BCAR3: variants seen among roughly 807,000 people sequenced by gnomAD.
BCAR3 encodes breast cancer anti-estrogen resistance protein 3.
BCAR3 carries 37 observed loss-of-function variants against 80.1 expected under a neutral mutation model. The observed-to-expected ratio is 0.46, with a 90% CI of 0.36 to 0.61. BCAR3 has a LOEUF of 0.61. Ranked by LOEUF, BCAR3 falls within the 20% of genes least tolerant of loss-of-function variation. BCAR3 has a pLI of 0.00. For missense variants in BCAR3, 978 were observed against 1,068.2 expected, an observed-to-expected ratio of 0.92 and a Z score of 1.18; for synonymous variants, 389 against 418.9, an observed-to-expected ratio of 0.93 and a Z score of 0.87.
At chr1:93,720,822 G>A (rs897914648) in intron 2 of BCAR3, among the ~76,000 whole-genome samples, 1 of 152,196 alleles carries the variant, frequency 6.6e-6, no homozygotes, top group Non-Finnish European at 1.5e-5. Flanking sequence ...GGCCTTCCTT[G>A]TGTCTTTTTC....
chr1:93,588,308 C>A (rs1674026632), intron 5 of BCAR3, among the ~76,000 whole-genome samples: 1 of 152,108 alleles, frequency 6.6e-6, no homozygotes, highest in African/African-American at 2.4e-5. Context: ...GAAGAAGAGT[C>A]CTGGGAGGCC....
chr1:93,726,012 G>A (rs918289699), intron 2 of BCAR3, among the ~76,000 whole-genome samples: 7 of 151,838 alleles, frequency 4.6e-5, no homozygotes, highest in African/African-American at 1.7e-4. Context: ...AATAATATCT[G>A]GTAGAGAAAT....
At position 93,681,667 on chromosome 1, in the gene BCAR3, G is replaced by A. The variant is rs1402474852; in HGVS notation, c.-81C>T. ...CCTCCGGCTGGGGCTCAAAGGCGCC[G>A]CGCGGCCGGCCTCGCACCGCCCGCG... On this transcript the variant is annotated 5_prime_UTR_variant, in exon 1 of 12. Transcript: ENST00000260502. 6.6e-6 allele frequency: 1 copy of A among 151,678 alleles called. No individual in the cohort carries two copies. The highest frequency in any genetic ancestry group is 2.0e-4 in the East Asian group (1 of 5,116). The allele number at this position is 151,678 out of a possible 1,614,324, so 9.4% of individuals were successfully genotyped here. A position where few individuals can be genotyped will look rare whatever the true frequency, so the allele number is the denominator to read the frequency against.
intron 2 of BCAR3, among the ~76,000 whole-genome samples, chr1:93,652,637 T>C (rs1290809176): frequency 7.1e-6 from 1 of 140,444 alleles, no homozygotes; most frequent in Non-Finnish European, 1.5e-5. Context: ...AATGAAAAGG[T>C]TTTTTTTTTT....
At chr1:93,578,670 C>T (rs541965098) in intron 7 of BCAR3, among the ~76,000 whole-genome samples, 5 of 152,322 alleles carry the variant, frequency 3.3e-5, no homozygotes, top group South Asian at 4.1e-4. Context: ...GTGCCTTCCC[C>T]TGCAGGGCGT....
chr1:93,562,089 CTG>C lies in BCAR3; in HGVS notation c.*150_*151del. ...TAGACAATTCATAAATAAGTGTGCTCTGTGCAATTTACACGTTTAATATCCTG... is the reference window on the plus strand; with the variant it reads ...TAGACAATTCATAAATAAGTGTGCTCTGCAATTTACACGTTTAATATCCTG... On this transcript the variant is annotated 3_prime_UTR_variant, in exon 12 of 12. Coordinates refer to ENST00000260502, the MANE Select transcript of BCAR3 (RefSeq NM_003567.4). 1 of 667,244 alleles carries C rather than the reference CTG, an allele frequency of 1.5e-6. No homozygotes were observed. The allele number at this position is 667,244 out of a possible 1,614,324, so 41.3% of individuals were successfully genotyped here.
chr1:93,813,278 T>C (rs978302591), intron 2 of BCAR3, among the ~76,000 whole-genome samples: 2 of 152,132 alleles, frequency 1.3e-5, no homozygotes, highest in African/African-American at 2.4e-5. Flanking sequence ...GTAAGCTTTG[T>C]GTGCAGTCAC....
intron 2 of BCAR3, among the ~76,000 whole-genome samples, chr1:93,731,208 T>C (rs1449650189): frequency 6.6e-6 from 1 of 152,168 alleles, no homozygotes; most frequent in Non-Finnish European, 1.5e-5. Context: ...GTATCCTGGA[T>C]GGGATTCTGG....
intron 2 of BCAR3, chr1:93,845,462 T>TTTTATATATA (rs1557708361): frequency 3.7e-5 from 3 of 80,146 alleles, no homozygotes; most frequent in African/African-American, 1.2e-4. Flanking sequence ...CATAACAATT[T>TTTTATATATA]TATATATATA....
In BCAR3 at chr1:93,752,494, AT is replaced by A. The variant is rs1284567066; in HGVS notation, c.-62-46353del. Reference sequence around the variant, plus strand: ...TCTTGACTTTCAGTTGTGCCATCACATGTCAATCGGTTGTGAAGTAATTTGT... The same window carrying A: ...TCTTGACTTTCAGTTGTGCCATCACAGTCAATCGGTTGTGAAGTAATTTGT... On this transcript the variant is annotated intron_variant, in intron 2 of 13. Transcript: ENST00000370244. Among the ~76,000 whole-genome samples, 5 of 152,366 alleles carry A rather than the reference AT, an allele frequency of 3.3e-5. No homozygotes were observed. The East Asian group carries it at 9.6e-4, about 29-fold the overall frequency.
At chr1:93,785,679 T>C (rs979188826) in intron 2 of BCAR3, among the ~76,000 whole-genome samples, 2 of 152,186 alleles carry the variant, frequency 1.3e-5, no homozygotes, top group Admixed American at 6.5e-5. Context: ...CCCACAGATA[T>C]AATACAAAAT....
chr1:93,726,250 T>TGA (rs1557667462), intron 2 of BCAR3, among the ~76,000 whole-genome samples: 1 of 152,026 alleles, frequency 6.6e-6, no homozygotes, highest in African/African-American at 2.4e-5. Context: ...TATTTTTTTT[T>TGA]GAGAGAGAGA....
At chr1:93,664,011 CTA>C (rs1038831689) in intron 2 of BCAR3, among the ~76,000 whole-genome samples, 9 of 152,170 alleles carry the variant, frequency 5.9e-5, no homozygotes, top group Non-Finnish European at 7.3e-5. Context: ...TTCTTACAGT[CTA>C]GGGTAGACTA....
intron 2 of BCAR3, among the ~76,000 whole-genome samples, chr1:93,779,236 T>C (rs1652680513): frequency 6.6e-6 from 1 of 152,200 alleles, no homozygotes; most frequent in South Asian, 2.1e-4. Flanking sequence ...AACTTCTAAT[T>C]GAAAGATGCC....
chr1:93,646,833 C>A (rs1676160651), intron 2 of BCAR3, among the ~76,000 whole-genome samples: 1 of 151,860 alleles, frequency 6.6e-6, no homozygotes, highest in Admixed American at 6.6e-5. Context: ...TAAGTAAATA[C>A]CTGAAATTCA....
At chr1:93,607,737 C>G (rs1570963791) in intron 3 of BCAR3, among the ~76,000 whole-genome samples, 2 of 152,204 alleles carry the variant, frequency 1.3e-5, no homozygotes, top group Non-Finnish European at 2.9e-5. Flanking sequence ...CCTTTTGTCC[C>G]TATGGCTCCT....
chr1:93,723,253 T>C (rs1178162736), intron 2 of BCAR3: 3 of 152,262 alleles, frequency 2.0e-5, no homozygotes, highest in South Asian at 2.1e-4. Context: ...CACACTCCAG[T>C]GTCCTCTGGC....
chr1:93,726,754 GA>G (rs898643142), intron 2 of BCAR3, among the ~76,000 whole-genome samples: 3 of 152,132 alleles, frequency 2.0e-5, no homozygotes, highest in African/African-American at 7.2e-5. Context: ...TAGATTCTAT[GA>G]AATACACTAC....
intron 3 of BCAR3, among the ~76,000 whole-genome samples, chr1:93,700,201 T>G (rs2101971775): frequency 6.6e-6 from 1 of 152,310 alleles, no homozygotes; most frequent in East Asian, 1.9e-4. Flanking sequence ...AAATTCTTTT[T>G]TTTTCTTTTG....
Sources: allele counts gnomAD v4.1 joint callset (sites outside exome capture counted in the v4.1 genomes callset), GRCh38; gene constraint gnomAD v4.1.1; transcripts MANE v1.5; gene names NCBI Gene and HGNC (gene_info 2026-07-23, HGNC 2026-07-21).